Variants in NFATC4 observed in about 807,000 individuals in gnomAD.
NFATC4 encodes the protein nuclear factor of activated T cells 4.
NFATC4 carries 25 observed loss-of-function variants against 73.4 expected under a neutral mutation model. The observed-to-expected ratio is 0.34, with a 90% CI of 0.25 to 0.48. The LOEUF is 0.48. Among genes scored for constraint, NFATC4 ranks in the 20% least tolerant of loss-of-function variants. The pLI is 0.99. For synonymous variants in NFATC4, 523 were observed against 510.3 expected, an observed-to-expected ratio of 1.02 and a Z score of -0.34; for missense variants, 1,130 against 1,203.7, an observed-to-expected ratio of 0.94 and a Z score of 0.91.
At position 24,373,791 on chromosome 14, in the gene NFATC4, G is replaced by C; in HGVS notation, c.1656G>C (p.Leu552=). 1 of 1,614,132 alleles carries C rather than the reference G, an allele frequency of 6.2e-7. No homozygotes were observed. Among genetic ancestry groups the C allele is most frequent in the Non-Finnish European group, 8.5e-7 (1 of 1,180,028 alleles). ...GGCGCAAAAACACACGTGTACGGCT[G>C]GTGTTCCGGGTACACGTGCCCCAGG... The part of the protein sequence containing the change: ...DIGRKNTRVR[L]VFRVHVPQGG... Residue 552 remains leucine (L), a synonymous_variant, in exon 5 of 10, where the codon CTG becomes CTC. Coordinates refer to ENST00000250373, the MANE Select transcript of NFATC4 (RefSeq NM_004554.5). The surrounding 1 kb of genome is among the most constrained non-coding windows in gnomAD (Gnocchi z 4.7).
chr14:24,376,764 G>T lies in NFATC4; in HGVS notation c.2527G>T (p.Val843Leu), dbSNP rs1372054324. 1 of 1,613,968 alleles carries T rather than the reference G, an allele frequency of 6.2e-7. No homozygotes were observed. Among genetic ancestry groups the T allele is most frequent in the South Asian group, 1.1e-5 (1 of 91,070 alleles). ...CCTACCTGCTGAGGGATACAATAAG[G>T]TAGGGCCAGGCTATGGCCCTGGGGA... The part of the protein sequence containing the change: ...HPLPAEGYNK[V>L]GPGYGPGEGA... Residue 843 changes from valine to leucine, a missense_variant, in exon 9 of 10, where the codon GTA becomes TTA. Val to Leu is a conservative substitution (Grantham distance 32). Transcript: ENST00000250373. The surrounding 1 kb of genome is among the most constrained non-coding windows in gnomAD (Gnocchi z 5.0).
At chr14:24,368,790 C>A (rs997113796) in intron 1 of NFATC4, among the ~76,000 whole-genome samples, 2 of 151,894 alleles carry the variant, frequency 1.3e-5, no homozygotes, top group African/African-American at 4.8e-5. Context: ...CCTGGCGGAC[C>A]GAGCTCTGGC....
intron 1 of NFATC4, 140 bp from the exon 2 acceptor site, chr14:24,369,359 T>C: frequency 1.3e-6 from 2 of 1,599,396 alleles, no homozygotes; most frequent in Middle Eastern, 3.3e-4. Flanking sequence ...ACTCTGCTTT[T>C]GTCTTGTGGC....
chr14:24,375,751 G>A, intron 7 of NFATC4, 36 bp downstream of exon 7: 1 of 1,437,124 alleles, frequency 7.0e-7, no homozygotes, highest in Non-Finnish European at 9.6e-7. Flanking sequence ...TGGGGGGCGG[G>A]GGTGGGAGAA....
Position 24,377,270 on chromosome 14 carries a change from C to G in NFATC4, c.2642-368C>G, listed in dbSNP as rs2042649459. On this transcript the variant is annotated intron_variant, in intron 9 of 9. Transcript: ENST00000250373. This position sits in a 1 kb window ranked among gnomAD's most constrained non-coding sequence, Gnocchi z 4.2. ...CACTTGCCATTGCCTCAGCTTTCCC[C>G]TAAACACGGTGTCTGTGGTCAGGGT... The G allele has an allele frequency of 1.6e-6, 2 of 1,251,924 alleles. No homozygotes were observed. The highest frequency in any genetic ancestry group is 5.9e-5 in the South Asian group (2 of 33,900). The allele number at this position is 1,251,924 out of a possible 1,614,324, so 77.6% of individuals were successfully genotyped here.
chr14:24,367,084 C>G (rs2042328386), upstream of NFATC4: 1 of 1,613,942 alleles, frequency 6.2e-7, no homozygotes, highest in Non-Finnish European at 8.5e-7. Flanking sequence ...CTCTCCTACC[C>G]GCCAGCCTCG....
At chr14:24,368,951 C>G (rs1566460503) in intron 1 of NFATC4, 1 of 766,358 alleles carries the variant, frequency 1.3e-6, no homozygotes, top group Non-Finnish European at 1.6e-6. Flanking sequence ...CTGCCCGCTG[C>G]CCCCCTTCCC....
Position 24,372,481 on chromosome 14 carries a change from C to A in NFATC4, c.1237C>A (p.Gln413Lys). Residue 413 changes from glutamine (Q) to lysine (K), a missense_variant, in exon 3 of 10, where the codon CAA becomes AAA. Coordinates refer to ENST00000250373, the MANE Select transcript of NFATC4 (RefSeq NM_004554.5). ...LPPLDWPLPS[Q>K]YEQLELRIEV... is the part of the protein sequence containing the mutation. ...CCCACTGGACTGGCCTCTGCCCAGC[C>A]AATATGAGCAGCTGGAGCTGAGGAT... 6.2e-7 allele frequency: 1 copy of A among 1,613,968 alleles called. No individual in the cohort carries two copies. Among genetic ancestry groups the A allele is most frequent in the African/African-American group, 1.3e-5 (1 of 75,000 alleles).
Position 24,373,084 on chromosome 14 carries a change from A to T in NFATC4, c.1360-87A>T, listed in dbSNP as rs1263219558. ...ATATCCTTTATCTTTCACCATTCCC[A>T]TCCCATGGTAGACTGAAAATCTAGG... On this transcript the variant is annotated intron_variant, in intron 3 of 9. Coordinates refer to ENST00000250373, the MANE Select transcript of NFATC4 (RefSeq NM_004554.5). The surrounding 1 kb of genome is among the most constrained non-coding windows in gnomAD (Gnocchi z 4.7). 1 of 1,346,590 alleles carries T rather than the reference A, an allele frequency of 7.4e-7. No individual in the cohort carries two copies. Among genetic ancestry groups the T allele is most frequent in the African/African-American group, 1.5e-5 (1 of 68,794 alleles). The allele number at this position is 1,346,590 out of a possible 1,614,324, so 83.4% of individuals were successfully genotyped here.
chr14:24,366,917 G>C (rs531024085), upstream of NFATC4: 2 of 1,513,342 alleles, frequency 1.3e-6, no homozygotes, highest in African/African-American at 1.4e-5. Context: ...GTTTGTAAAC[G>C]TCTGACCTGG....
upstream of NFATC4, chr14:24,367,028 G>A (rs772320633): frequency 2.5e-6 from 4 of 1,613,564 alleles, no homozygotes. Context: ...TCTAAGAGAG[G>A]TTGAAACTGT....
chr14:24,367,314 C>A (rs774850461), upstream of NFATC4: 157 of 1,546,896 alleles, frequency 1.0e-4, no homozygotes, highest in Non-Finnish European at 1.3e-4. Context: ...GTAAACCTGG[C>A]AAGGATTTTT....
In NFATC4 at chr14:24,377,436, T is replaced by G; in HGVS notation, c.2642-202T>G. On this transcript the variant is annotated intron_variant, in intron 9 of 9. Transcript: ENST00000250373. The surrounding 1 kb of genome is among the most constrained non-coding windows in gnomAD (Gnocchi z 4.2). ...TAGGACGGGTGCCTGGGAGCCCACA[T>G]GGAGGGAGTTGGGCAAGATTTGATT... The G allele has an allele frequency of 7.0e-7, 1 of 1,422,808 alleles. No individual in the cohort carries two copies. Among genetic ancestry groups the G allele is most frequent in the Non-Finnish European group, 9.2e-7 (1 of 1,091,932 alleles). 88.1% of individuals were successfully genotyped at this position (1,422,808 alleles called of 1,614,324 possible). A position where few individuals can be genotyped will look rare whatever the true frequency, so the allele number is the denominator to read the frequency against.
Position 24,370,291 on chromosome 14 carries a change from C to G in NFATC4, c.893C>G (p.Pro298Arg). The change falls in exon 2 of 10, where the codon CCT becomes CGT. Residue 298 changes from proline to arginine, a missense_variant. Transcript: ENST00000250373. Reference protein sequence around the residue: ...GSLGEEGSEPPPPPPLPLARD... With the variant: ...GSLGEEGSEPRPPPPLPLARD... ...CTGGGGGAAGAGGGGTCTGAGCCACCTCCACCACCCCCATTGCCTCTGGCC... is the reference window on the plus strand; with the variant it reads ...CTGGGGGAAGAGGGGTCTGAGCCACGTCCACCACCCCCATTGCCTCTGGCC... 1 of 1,611,594 alleles carries G rather than the reference C, an allele frequency of 6.2e-7. No homozygotes were observed. The highest frequency in any genetic ancestry group is 8.5e-7 in the Non-Finnish European group (1 of 1,178,468).
At position 24,372,652 on chromosome 14, in the gene NFATC4, G is replaced by T. The variant is rs777222413; in HGVS notation, c.1359+49G>T. ...ATATCCTCTCTCCTCTCCCAGATAGGTTCCAGCTATGCAGACACATGGCAC... is the reference window on the plus strand; with the variant it reads ...ATATCCTCTCTCCTCTCCCAGATAGTTTCCAGCTATGCAGACACATGGCAC... On this transcript the variant is annotated intron_variant, in intron 3 of 9. Transcript: ENST00000250373. 5.6e-6 allele frequency: 9 copies of T among 1,609,604 alleles called. No homozygotes were observed. In the Admixed American group the frequency reaches 6.7e-5, roughly 12 times the overall value.
chr14:24,374,316 T>C lies in NFATC4; in HGVS notation c.1733-10T>C. 3 of 1,605,290 alleles carry C rather than the reference T, an allele frequency of 1.9e-6. No homozygotes were observed. The highest frequency in any genetic ancestry group is 2.6e-6 in the Non-Finnish European group (3 of 1,175,950). On this transcript the variant is annotated splice_polypyrimidine_tract_variant and intron_variant, in intron 5 of 9. Coordinates refer to ENST00000250373, the MANE Select transcript of NFATC4 (RefSeq NM_004554.5). ...GCCCAGCCAGTCCTCTTCCTTGCACTGCTCTGCAGCCCAGCGCTCAGCCCA... is the reference window on the plus strand; with the variant it reads ...GCCCAGCCAGTCCTCTTCCTTGCACCGCTCTGCAGCCCAGCGCTCAGCCCA...
Position 24,376,975 on chromosome 14 carries a change from A to C in NFATC4, c.2641+97A>C, listed in dbSNP as rs934514208. The stretch of plus-strand genomic sequence containing the variant: ...GAGCTGGGCTTTTCAGAGATCGGGC[A>C]TCCCTGGTCTCTCAGGGCCAGTTGG... On this transcript the variant is annotated intron_variant, in intron 9 of 9. Coordinates refer to ENST00000250373, the MANE Select transcript of NFATC4 (RefSeq NM_004554.5). The surrounding 1 kb of genome is among the most constrained non-coding windows in gnomAD (Gnocchi z 5.0). The C allele has an allele frequency of 7.0e-7, 1 of 1,420,926 alleles. No individual in the cohort carries two copies. The highest frequency in any genetic ancestry group is 1.4e-5 in the African/African-American group (1 of 69,236). The allele number at this position is 1,420,926 out of a possible 1,614,324, so 88.0% of individuals were successfully genotyped here.
chr14:24,376,248 T>A lies in NFATC4; in HGVS notation c.2057-46T>A. On this transcript the variant is annotated intron_variant, in intron 8 of 9. Transcript: ENST00000250373. This position sits in a 1 kb window ranked among gnomAD's most constrained non-coding sequence, Gnocchi z 5.0. ...GCTGGAAGGTGTGCAGTGGGGAGACTACCAGACCTCTCACCAGCATGTCCT... is the reference window on the plus strand; with the variant it reads ...GCTGGAAGGTGTGCAGTGGGGAGACAACCAGACCTCTCACCAGCATGTCCT... The A allele has an allele frequency of 6.4e-7, 1 of 1,558,940 alleles. No homozygotes were observed. The highest frequency in any genetic ancestry group is 1.4e-5 in the African/African-American group (1 of 73,648).
Position 24,373,415 on chromosome 14 carries a change from G to A in NFATC4, c.1559+45G>A, listed in dbSNP as rs765234624. The A allele has an allele frequency of 1.2e-6, 2 of 1,603,574 alleles. No homozygotes were observed. Among genetic ancestry groups the A allele is most frequent in the South Asian group, 2.2e-5 (2 of 90,548 alleles). On this transcript the variant is annotated intron_variant, in intron 4 of 9. Coordinates refer to ENST00000250373, the MANE Select transcript of NFATC4 (RefSeq NM_004554.5). The surrounding 1 kb of genome is among the most constrained non-coding windows in gnomAD (Gnocchi z 4.7). ...CCCTCAGTCCGCAGGCTTTGTACTA[G>A]CTTTCTCCACTGGGCCTATGCTAGC...
Sources: allele counts gnomAD v4.1 joint callset (sites outside exome capture counted in the v4.1 genomes callset), GRCh38; gene constraint gnomAD v4.1.1; non-coding constraint Gnocchi (gnomAD v3.1); transcripts MANE v1.5; gene names NCBI Gene and HGNC (gene_info 2026-07-23, HGNC 2026-07-21).